The following AKAP6 variants were observed in gnomAD, a reference collection of about 807,000 sequenced individuals.
AKAP6 encodes the protein A-kinase anchoring protein 6.
Under a neutral mutation model 188.5 loss-of-function variants are expected in AKAP6, and 58 were observed. The ratio of observed to expected loss-of-function variants is 0.31; its 90% CI spans 0.25 to 0.38. AKAP6 has a LOEUF of 0.38. AKAP6 is among the 10% of genes least tolerant of loss of function. AKAP6 has a pLI of 1.00. For synonymous variants in AKAP6, 989 were observed against 998.6 expected (o/e 0.99, Z 0.18); for missense variants, 2,710 against 2,740.0 (o/e 0.99, Z 0.24).
rs148154496 is a variant in AKAP6, at chr14:32,492,337, A to AATAT, written c.325-43201_325-43198dup. 2.0e-3 allele frequency among the ~76,000 whole-genome samples: 157 copies of AATAT among 76,776 alleles called. 1 individual carries two copies. The highest frequency in any genetic ancestry group is 4.8e-3 in the African/African-American group (138 of 28,634). The allele number at this position is 76,776 out of a possible 152,430, so 50.4% of individuals were successfully genotyped here. A position where few individuals can be genotyped will look rare whatever the true frequency, so the allele number is the denominator to read the frequency against. On this transcript the variant is annotated intron_variant, in intron 2 of 13. Transcript: ENST00000280979. ...CACTGTGCTTCTCAAACTACATTGT[A>AATAT]ATATATATATATATATATAGAGAGA...
At chr14:32,514,835 C>A (rs548290285) in intron 2 of AKAP6, among the ~76,000 whole-genome samples, 17 of 152,124 alleles carry the variant, frequency 1.1e-4, no homozygotes, top group Non-Finnish European at 2.1e-4. Flanking sequence ...TGGCCTGAAC[C>A]CAGCATAGCA....
At chr14:32,386,016 T>C (rs1888526847) in intron 1 of AKAP6, among the ~76,000 whole-genome samples, 1 of 150,552 alleles carries the variant, frequency 6.6e-6, no homozygotes, top group Admixed American at 6.6e-5. Context: ...TATATCTATA[T>C]CTATCTATCT....
At chr14:32,791,379 C>A (rs1054257828) in intron 12 of AKAP6, among the ~76,000 whole-genome samples, 1 of 152,156 alleles carries the variant, frequency 6.6e-6, no homozygotes, top group Non-Finnish European at 1.5e-5. Flanking sequence ...TCATGATGAG[C>A]TTTTTTTCAT....
At position 32,828,525 on chromosome 14, in the gene AKAP6, TCTCTCACACA is replaced by T. The variant is rs1182249557; in HGVS notation, c.*43-1321_*43-1312del. Among the ~76,000 whole-genome samples the T allele has an allele frequency of 6.9e-3, 668 of 96,762 alleles. 4 individuals carry two copies. Among genetic ancestry groups the T allele is most frequent in the African/African-American group, 0.015 (454 of 29,926 alleles). The allele number at this position is 96,762 out of a possible 152,430, so 63.5% of individuals were successfully genotyped here. ...TCATCTATCTCTCTCTCTCTCTCTC[TCTCTCACACA>T]CACACACACACACACACACACACAC... On this transcript the variant is annotated intron_variant, in intron 13 of 13. Transcript: ENST00000280979.
At chr14:32,606,133 C>T (rs1886118773) in intron 7 of AKAP6, among the ~76,000 whole-genome samples, 1 of 152,028 alleles carries the variant, frequency 6.6e-6, no homozygotes, top group African/African-American at 2.4e-5. Context: ...TAGAATTCAC[C>T]AGTTCTAGAA....
In AKAP6 at chr14:32,823,051, C is replaced by T. The variant is rs1185695334; in HGVS notation, c.5238C>T (p.Cys1746=). 2 of 1,613,798 alleles carry T rather than the reference C, an allele frequency of 1.2e-6. No individual in the cohort carries two copies. The highest frequency in any genetic ancestry group is 2.2e-5 in the East Asian group (1 of 44,854). ...TTAATGTCTCTTGCACCTCTGCTTGCACTGATGATGAAGATGACAGCGACC... is the reference window on the plus strand; with the variant it reads ...TTAATGTCTCTTGCACCTCTGCTTGTACTGATGATGAAGATGACAGCGACC... ...MIVNVSCTSA[C]TDDEDDSDLL... Residue 1746 remains cysteine (C), a synonymous_variant, in exon 13 of 14, where the codon TGC becomes TGT. Coordinates refer to ENST00000280979, the MANE Select transcript of AKAP6 (RefSeq NM_004274.5).
At chr14:32,348,711 C>A (rs1887160082) in intron 1 of AKAP6, among the ~76,000 whole-genome samples, 1 of 152,130 alleles carries the variant, frequency 6.6e-6, no homozygotes, top group South Asian at 2.1e-4. Context: ...CCGTGCCCAG[C>A]CCCATTGTGT....
chr14:32,400,975 G>C (rs770232753), intron 1 of AKAP6, among the ~76,000 whole-genome samples: 2 of 152,188 alleles, frequency 1.3e-5, no homozygotes, highest in Non-Finnish European at 2.9e-5. Context: ...TACCAGAAGA[G>C]ATGAGGGGAA....
At chr14:32,814,877 T>G (rs1004677803) in intron 12 of AKAP6, among the ~76,000 whole-genome samples, 6 of 152,138 alleles carry the variant, frequency 3.9e-5, no homozygotes, top group Non-Finnish European at 7.3e-5. Flanking sequence ...TACAGTCATG[T>G]GCCACCATGC....
At chr14:32,510,398 ATATATGTATATATATG>A (rs1260555260) in intron 2 of AKAP6, among the ~76,000 whole-genome samples, 98 of 99,940 alleles carry the variant, frequency 9.8e-4, no homozygotes, top group African/African-American at 3.4e-3. Context: ...ATATGTGTAT[ATATATGTATATATATG>A]TATATATATA....
At chr14:32,335,511 A>G (rs1886662298) in intron 1 of AKAP6, among the ~76,000 whole-genome samples, 1 of 152,144 alleles carries the variant, frequency 6.6e-6, no homozygotes, top group African/African-American at 2.4e-5. Context: ...AACAACCCAG[A>G]GCAAGGCCCT....
intron 1 of AKAP6, among the ~76,000 whole-genome samples, chr14:32,394,009 T>C (rs1466789611): frequency 6.6e-6 from 1 of 152,140 alleles, no homozygotes; most frequent in Non-Finnish European, 1.5e-5. Context: ...ATGACATATT[T>C]AAAATCAATA....
intron 9 of AKAP6, among the ~76,000 whole-genome samples, chr14:32,717,586 C>T (rs982445539): frequency 1.0e-4 from 15 of 149,456 alleles, no homozygotes; most frequent in East Asian, 4.0e-4. Flanking sequence ...CTCCTCTTTA[C>T]TTTTATCACT....
At chr14:32,392,915 A>G (rs1222468836) in intron 1 of AKAP6, among the ~76,000 whole-genome samples, 3 of 152,116 alleles carry the variant, frequency 2.0e-5, no homozygotes, top group African/African-American at 2.4e-5. Context: ...CAAATGTTGA[A>G]GAAATTATGG....
intron 1 of AKAP6, among the ~76,000 whole-genome samples, chr14:32,348,399 CT>C (rs1368832842): frequency 1.6e-5 from 2 of 124,928 alleles, no homozygotes; most frequent in African/African-American, 6.8e-5. Flanking sequence ...GAATGGGGTT[CT>C]TTCTTTTCTT....
chr14:32,734,764 C>A (rs1056463352), intron 10 of AKAP6, among the ~76,000 whole-genome samples: 1 of 152,058 alleles, frequency 6.6e-6, no homozygotes, highest in Non-Finnish European at 1.5e-5. Flanking sequence ...TATTTTTCTG[C>A]TACAGTCTCC....
At chr14:32,345,684 TG>T (rs1887043433) in intron 1 of AKAP6, among the ~76,000 whole-genome samples, 1 of 152,172 alleles carries the variant, frequency 6.6e-6, no homozygotes. Context: ...AGTTTCTATG[TG>T]GGTCATGAGG....
chr14:32,574,991 T>G (rs191968793), intron 4 of AKAP6, among the ~76,000 whole-genome samples: 2 of 152,312 alleles, frequency 1.3e-5, no homozygotes, highest in Admixed American at 1.3e-4. Context: ...TGAAGGGATC[T>G]ATGGTAAACA....
chr14:32,821,459 G>T lies in AKAP6; in HGVS notation c.3646G>T (p.Ala1216Ser). The change falls in exon 13 of 14, where the codon GCC (alanine) becomes TCC (serine). Residue 1216 changes from alanine to serine, a missense_variant. Ala to Ser is a moderately conservative substitution (Grantham distance 99). Coordinates refer to ENST00000280979, the MANE Select transcript of AKAP6 (RefSeq NM_004274.5). Reference sequence around the variant, plus strand: ...GGACCTAAATGGGATGAGTGAGGATGCCCTGGAATGGGATGAAATGGACAT... The same window carrying T: ...GGACCTAAATGGGATGAGTGAGGATTCCCTGGAATGGGATGAAATGGACAT... ...LMDLNGMSED[A>S]LEWDEMDISN... 6.2e-7 allele frequency: 1 copy of T among 1,613,480 alleles called. No individual in the cohort carries two copies. Among genetic ancestry groups the T allele is most frequent in the Non-Finnish European group, 8.5e-7 (1 of 1,179,630 alleles).
Sources: allele counts gnomAD v4.1 joint callset (sites outside exome capture counted in the v4.1 genomes callset), GRCh38; gene constraint gnomAD v4.1.1; transcripts MANE v1.5; gene names NCBI Gene and HGNC (gene_info 2026-07-23, HGNC 2026-07-21).